WDPCP: variants seen among roughly 807,000 people sequenced by gnomAD.
WDPCP encodes WD repeat-containing and planar cell polarity effector protein fritz homolog.
WDPCP carries 71 observed loss-of-function variants against 93.1 expected under a neutral mutation model. That is an observed-to-expected ratio of 0.76 (90% CI 0.63 to 0.93). WDPCP has a LOEUF of 0.93. Among genes scored for constraint, WDPCP ranks in the 40% least tolerant of loss-of-function variants. The pLI, the probability that WDPCP is intolerant of heterozygous loss-of-function variation, is 0.00. For synonymous variants in WDPCP, 315 were observed against 315.0 expected, an observed-to-expected ratio of 1.00 and a Z score of 0.00; for missense variants, 844 against 887.4, an observed-to-expected ratio of 0.95 and a Z score of 0.62.
chr2:63,569,889 C>A (rs189254890), intron 1 of WDPCP, among the ~76,000 whole-genome samples: 5 of 152,288 alleles, frequency 3.3e-5, no homozygotes, highest in Non-Finnish European at 5.9e-5. Context: ...AGTTTTAAAA[C>A]ACCTTCAGAC....
intron 2 of WDPCP, among the ~76,000 whole-genome samples, chr2:63,710,814 T>C (rs1669251100): frequency 6.6e-6 from 1 of 152,170 alleles, no homozygotes; most frequent in African/African-American, 2.4e-5. Context: ...ATAATCCCCA[T>C]GTGGGAAATA....
intron 2 of WDPCP, among the ~76,000 whole-genome samples, chr2:63,794,224 C>A (rs1670582082): frequency 6.6e-6 from 1 of 152,174 alleles, no homozygotes; most frequent in Non-Finnish European, 1.5e-5. Flanking sequence ...ACACTGAGGT[C>A]ATCTCTTCAA....
intron 17 of WDPCP, among the ~76,000 whole-genome samples, chr2:63,138,724 T>C (rs985477338): frequency 6.6e-6 from 1 of 152,182 alleles, no homozygotes; most frequent in Admixed American, 6.5e-5. Context: ...AGTTCTGGGA[T>C]TACAGGCATG....
At chr2:63,585,505 C>T (rs1708780738) in intron 1 of WDPCP, among the ~76,000 whole-genome samples, 1 of 152,044 alleles carries the variant, frequency 6.6e-6, no homozygotes, top group Non-Finnish European at 1.5e-5. Flanking sequence ...CTTAACCTTG[C>T]TTTATAAATA....
At chr2:63,313,008 T>A (rs1188554298) in intron 13 of WDPCP, among the ~76,000 whole-genome samples, 1 of 151,888 alleles carries the variant, frequency 6.6e-6, no homozygotes, top group Non-Finnish European at 1.5e-5. Context: ...TCAAGAATTA[T>A]AAATTCTTAG....
intron 1 of WDPCP, among the ~76,000 whole-genome samples, chr2:63,531,931 T>C (rs1229344627): frequency 6.6e-6 from 1 of 152,066 alleles, no homozygotes; most frequent in African/African-American, 2.4e-5. Flanking sequence ...AGGAGGATGT[T>C]CGAACCCATC....
intron 2 of WDPCP, among the ~76,000 whole-genome samples, chr2:63,809,837 G>T (rs960871154): frequency 2.0e-4 from 30 of 152,028 alleles, no homozygotes; most frequent in African/African-American, 6.8e-4. Context: ...TTTATCTGCT[G>T]ACCTTCCCTC....
intron 2 of WDPCP, among the ~76,000 whole-genome samples, chr2:63,662,728 G>A (rs1012163495): frequency 7.9e-5 from 12 of 152,018 alleles, no homozygotes; most frequent in African/African-American, 1.9e-4. Flanking sequence ...GTGGCTCCAG[G>A]AAAGATAAGC....
intron 3 of WDPCP, among the ~76,000 whole-genome samples, chr2:63,618,048 T>C (rs964949448): frequency 1.3e-5 from 2 of 152,156 alleles, no homozygotes; most frequent in Non-Finnish European, 2.9e-5. Flanking sequence ...TTTCCATTGA[T>C]AAAAAAATGC....
intron 12 of WDPCP, among the ~76,000 whole-genome samples, chr2:63,338,026 G>C (rs940462326): frequency 6.6e-6 from 1 of 151,944 alleles, no homozygotes; most frequent in African/African-American, 2.4e-5. Flanking sequence ...GTCTATTTTT[G>C]TTTTGGTTAC....
At chr2:63,381,815 C>A in intron 11 of WDPCP, 91 bp downstream of exon 11, 1 of 1,348,344 alleles carries the variant, frequency 7.4e-7, no homozygotes, top group Non-Finnish European at 1.0e-6. Flanking sequence ...TCTCCAATAC[C>A]ATGACTCAAA....
chr2:63,288,009 G>C (rs1479665971), intron 13 of WDPCP, among the ~76,000 whole-genome samples: 1 of 152,190 alleles, frequency 6.6e-6, no homozygotes, highest in Non-Finnish European at 1.5e-5. Flanking sequence ...ATGTCAACTT[G>C]ATCACCAAGC....
chr2:63,166,105 C>T (rs1055981569), intron 15 of WDPCP, among the ~76,000 whole-genome samples: 1 of 151,970 alleles, frequency 6.6e-6, no homozygotes, highest in Non-Finnish European at 1.5e-5. Context: ...CTAGCCCAGT[C>T]GTCCAGGCTG....
chr2:63,248,347 A>ATGAG (rs777973642), intron 14 of WDPCP, among the ~76,000 whole-genome samples: 9 of 152,146 alleles, frequency 5.9e-5, no homozygotes, highest in Non-Finnish European at 1.0e-4. Flanking sequence ...CTTGTATATG[A>ATGAG]TGAGTTTATT....
intron 3 of WDPCP, chr2:63,644,037 C>A: frequency 2.4e-6 from 1 of 419,566 alleles, no homozygotes; most frequent in Non-Finnish European, 4.8e-6. Flanking sequence ...TTCTTAGGAC[C>A]AAAGCCATGG....
intron 2 of WDPCP, among the ~76,000 whole-genome samples, chr2:63,708,396 A>G (rs112764393): frequency 0.017 from 2,568 of 152,290 alleles, 23 homozygotes; most frequent in African/African-American, 0.018. Context: ...AGCAATGAGC[A>G]AGGCTCCGTG....
At chr2:63,729,028 G>A (rs1031640270) in intron 2 of WDPCP, among the ~76,000 whole-genome samples, 4 of 152,026 alleles carry the variant, frequency 2.6e-5, no homozygotes, top group African/African-American at 9.7e-5. Context: ...CCCTCAAAGA[G>A]GCCACTCCAC....
intron 15 of WDPCP, among the ~76,000 whole-genome samples, chr2:63,162,181 A>C (rs1252003344): frequency 6.6e-6 from 1 of 152,218 alleles, no homozygotes; most frequent in African/African-American, 2.4e-5. Flanking sequence ...TGGCATATTT[A>C]ACTTCATATT....
intron 1 of WDPCP, among the ~76,000 whole-genome samples, chr2:63,577,585 C>T (rs922222287): frequency 1.3e-5 from 2 of 152,006 alleles, no homozygotes; most frequent in Admixed American, 1.3e-4. Flanking sequence ...GTCATGTAAG[C>T]CTGTGAGATT....
Sources: allele counts gnomAD v4.1 joint callset (sites outside exome capture counted in the v4.1 genomes callset), GRCh38; gene constraint gnomAD v4.1.1; transcripts MANE v1.5; gene names NCBI Gene and HGNC (gene_info 2026-07-23, HGNC 2026-07-21).